VSTM1: variants seen among roughly 807,000 people sequenced by gnomAD.
The protein encoded by VSTM1 is V-set and transmembrane domain-containing protein 1.
In VSTM1, 27 loss-of-function variants were observed where a neutral mutation model predicts 33.1. That is an observed-to-expected ratio of 0.82 (90% confidence interval 0.60 to 1.12). VSTM1 has a LOEUF of 1.12. Ranked by LOEUF, VSTM1 falls within the 50% of genes most tolerant of loss-of-function variation. The pLI is 0.00. For missense variants in VSTM1, 304 were observed against 288.9 expected (o/e 1.05, Z -0.38); for synonymous variants, 115 against 110.3 (o/e 1.04, Z -0.27).
chr19:54,055,337 C>T (rs2071038574), intron 3 of VSTM1, among the ~76,000 whole-genome samples: 1 of 141,888 alleles, frequency 7.0e-6, no homozygotes, highest in Non-Finnish European at 1.6e-5. Flanking sequence ...TTTTGTGACA[C>T]CGGGGAGGTC....
At chr19:54,042,835 T>TATAC (rs1443357486) in intron 4 of VSTM1, among the ~76,000 whole-genome samples, 1 of 75,760 alleles carries the variant, frequency 1.3e-5, no homozygotes, top group Non-Finnish European at 2.7e-5. Flanking sequence ...TATATATATA[T>TATAC]ATACATATAT....
Position 54,058,378 on chromosome 19 carries a change from A to C in VSTM1, c.283T>G (p.Phe95Val). The change falls in exon 3 of 9, where the codon TTT (phenylalanine) becomes GTT (valine). Residue 95 changes from phenylalanine (F) to valine (V), a missense_variant. Coordinates refer to ENST00000338372, the MANE Select transcript of VSTM1 (RefSeq NM_198481.4). ...DLKPKDAGRY[F>V]CAYKTTASHE... Reference sequence around the variant, plus strand: ...GAGGCTGTTGTCTTGTAGGCACAAAAGTACCTCCCAGCATCCTTAGGCTTC... The same window carrying C: ...GAGGCTGTTGTCTTGTAGGCACAAACGTACCTCCCAGCATCCTTAGGCTTC... The C allele has an allele frequency of 6.2e-7, 1 of 1,614,158 alleles. No homozygotes were observed. The highest frequency in any genetic ancestry group is 8.5e-7 in the Non-Finnish European group (1 of 1,180,034).
intron 4 of VSTM1, chr19:54,048,460 C>A: frequency 4.3e-6 from 1 of 232,798 alleles, no homozygotes; most frequent in Non-Finnish European, 9.2e-6. Flanking sequence ...CAAATTTGAA[C>A]TCAAAAAGTA....
intron 4 of VSTM1, among the ~76,000 whole-genome samples, chr19:54,045,031 TTTTCC>T (rs1337917482): frequency 6.6e-6 from 1 of 152,056 alleles, no homozygotes; most frequent in Non-Finnish European, 1.5e-5. Flanking sequence ...GTCTGAGAAT[TTTTCC>T]TAGGTGTGCA....
chr19:54,048,703 G>A (rs141071750), intron 4 of VSTM1, among the ~76,000 whole-genome samples: 647 of 152,204 alleles, frequency 4.3e-3, no homozygotes, highest in Non-Finnish European at 4.9e-3. Context: ...AATTTACAGC[G>A]CGGAGACAAA....
chr19:54,062,000 A>G (rs1266141899), intron 1 of VSTM1, among the ~76,000 whole-genome samples: 1 of 152,060 alleles, frequency 6.6e-6, no homozygotes, highest in Non-Finnish European at 1.5e-5. Context: ...TACTAAAAAT[A>G]CAAAAATTAG....
intron 3 of VSTM1, among the ~76,000 whole-genome samples, chr19:54,051,834 C>T (rs1464248970): frequency 6.6e-6 from 1 of 152,024 alleles, no homozygotes; most frequent in Non-Finnish European, 1.5e-5. Flanking sequence ...GATCTCAGCT[C>T]ACTGCAACCT....
At chr19:54,042,750 G>A (rs1477717392) in intron 4 of VSTM1, among the ~76,000 whole-genome samples, 1 of 136,826 alleles carries the variant, frequency 7.3e-6, no homozygotes, top group African/African-American at 2.9e-5. Context: ...ATATACGTGT[G>A]TGTGTGTGTA....
chr19:54,056,007 T>C (rs2071066794), intron 3 of VSTM1, among the ~76,000 whole-genome samples: 2 of 139,736 alleles, frequency 1.4e-5, no homozygotes, highest in Non-Finnish European at 3.1e-5. Context: ...AAACAACTTG[T>C]CCTCAAGGAT....
rs1156884929 is a variant in VSTM1 at position 54,055,856 on chromosome 19, A to G, written c.355+2450T>C. 3 of 142,286 alleles carry G rather than the reference A, an allele frequency of 2.1e-5. 1 individual carries two copies. Among genetic ancestry groups the G allele is most frequent in the Non-Finnish European group, 4.7e-5 (3 of 64,468 alleles). 8.8% of individuals were successfully genotyped at this position (142,286 alleles called of 1,614,324 possible). A position where few individuals can be genotyped will look rare whatever the true frequency, so the allele number is the denominator to read the frequency against. ...AAGGGCCAGGGCTTTTCCATTTTCTACTGCACTTGGGGACTATCTCATCCA... is the reference window on the plus strand; with the variant it reads ...AAGGGCCAGGGCTTTTCCATTTTCTGCTGCACTTGGGGACTATCTCATCCA... On this transcript the variant is annotated intron_variant, in intron 3 of 8. Transcript: ENST00000338372.
intron 1 of VSTM1, among the ~76,000 whole-genome samples, chr19:54,059,059 C>CTTT (rs68002308): frequency 1.9e-5 from 2 of 104,218 alleles, no homozygotes; most frequent in African/African-American, 4.1e-5. Flanking sequence ...CTTCTTCTTT[C>CTTT]TTTTTTTTTT....
chr19:54,050,371 GAA>G (rs1398832262), intron 4 of VSTM1, among the ~76,000 whole-genome samples: 1 of 151,566 alleles, frequency 6.6e-6, no homozygotes, highest in African/African-American at 2.4e-5. Context: ...AGCAACATTA[GAA>G]AAAAAATTCA....
intron 8 of VSTM1, 62 bp from the exon 9 acceptor site, chr19:54,041,142 A>ATGTG: frequency 1.4e-6 from 2 of 1,436,974 alleles, no homozygotes; most frequent in Non-Finnish European, 1.8e-6. Flanking sequence ...CTAGCCACAC[A>ATGTG]TGGCTATTGA....
At chr19:54,042,839 C>CACAT (rs1415249561) in intron 4 of VSTM1, among the ~76,000 whole-genome samples, 90 of 70,736 alleles carry the variant, frequency 1.3e-3, no homozygotes, top group Middle Eastern at 0.018. Context: ...TATATATATA[C>CACAT]ATATATATAT....
At chr19:54,051,373 C>G in intron 4 of VSTM1, 37 bp downstream of exon 4, 1 of 1,560,354 alleles carries the variant, frequency 6.4e-7, no homozygotes, top group Non-Finnish European at 8.8e-7. Context: ...TGAAGCAGAT[C>G]TCATTGGGAA....
chr19:54,062,743 TCTAAGGTG>T (rs2071456559), intron 1 of VSTM1, among the ~76,000 whole-genome samples: 1 of 143,716 alleles, frequency 7.0e-6, no homozygotes, highest in African/African-American at 2.6e-5. Flanking sequence ...AAAATGCTCA[TCTAAGGTG>T]CAAATGTGTG....
rs2071107057 is a variant in VSTM1 at position 54,056,501 on chromosome 19, A to G, written c.355+1805T>C. On this transcript the variant is annotated intron_variant, in intron 3 of 8. Coordinates refer to ENST00000338372, the MANE Select transcript of VSTM1 (RefSeq NM_198481.4). Reference sequence around the variant, plus strand: ...CTCCCAAAGTGCTAGGATTACAGGCATGAACCACCACACCTGGCCAACTCT... The same window carrying G: ...CTCCCAAAGTGCTAGGATTACAGGCGTGAACCACCACACCTGGCCAACTCT... 4.3e-5 allele frequency among the ~76,000 whole-genome samples: 6 copies of G among 139,406 alleles called. No homozygotes were observed. In the South Asian group the frequency reaches 1.4e-3, roughly 33 times the overall value. 91.5% of individuals were successfully genotyped at this position (139,406 alleles called of 152,430 possible). A position where few individuals can be genotyped will look rare whatever the true frequency, so the allele number is the denominator to read the frequency against.
chr19:54,048,270 C>A (rs1159505069), intron 4 of VSTM1: 2 of 281,062 alleles, frequency 7.1e-6, no homozygotes, highest in South Asian at 5.4e-5. Context: ...TGCACACCAC[C>A]ACGCCTGGCT....
chr19:54,044,286 C>T (rs937323250), intron 4 of VSTM1, among the ~76,000 whole-genome samples: 4 of 152,188 alleles, frequency 2.6e-5, no homozygotes, highest in South Asian at 4.1e-4. Flanking sequence ...TGGCCGGGCA[C>T]GGTGGCTCAC....
Sources: gnomAD v4.1 joint callset for allele counts (sites outside exome capture counted in the v4.1 genomes callset) on GRCh38, gnomAD v4.1.1 for gene constraint, MANE v1.5 for transcripts, NCBI Gene and HGNC (gene_info 2026-07-23, HGNC 2026-07-21) for gene names.